Variants in DDX27 observed in about 807,000 individuals in gnomAD.
The protein encoded by DDX27 is probable ATP-dependent RNA helicase DDX27.
DDX27 carries 42 observed loss-of-function variants against 99.3 expected under a neutral mutation model. The ratio of observed to expected loss-of-function variants is 0.42; its 90% CI spans 0.33 to 0.55. The LOEUF (loss-of-function observed/expected upper bound fraction) is 0.55, where lower values mean the gene tolerates loss of function less well. Among genes scored for constraint, DDX27 ranks in the 20% least tolerant of loss-of-function variants. The pLI is 0.07. For synonymous variants in DDX27, 329 were observed against 353.8 expected (o/e 0.93, Z 0.79); for missense variants, 798 against 976.8 (o/e 0.82, Z 2.44).
intron 4 of DDX27, among the ~76,000 whole-genome samples, chr20:49,224,335 T>C (rs1038010489): frequency 6.6e-6 from 1 of 151,364 alleles, no homozygotes; most frequent in African/African-American, 2.4e-5. Context: ...TCCAGCCACA[T>C]AGTGGGTGCT....
Position 49,233,397 on chromosome 20 carries a change from A to G in DDX27, c.1123A>G (p.Thr375Ala). 6.2e-7 allele frequency: 1 copy of G among 1,613,928 alleles called. No homozygotes were observed. ...GACCATGCTCTTCTCGGCCACCATGACAGACGAGGTGGGCCGAGGGACTTC... is the reference window on the plus strand; with the variant it reads ...GACCATGCTCTTCTCGGCCACCATGGCAGACGAGGTGGGCCGAGGGACTTC... ...RQTMLFSATM[T>A]DEVKDLASVS... Residue 375 changes from threonine (T) to alanine (A), a missense_variant, in exon 10 of 21, where the codon ACA becomes GCA. Around this residue, in one of 2 missense-constraint regions of DDX27, gnomAD observed 553 missense variants for 727.9 expected, o/e 0.76. Coordinates refer to ENST00000618172, the MANE Select transcript of DDX27 (RefSeq NM_017895.8).
At chr20:49,225,364 A>G (rs1979843933) in intron 6 of DDX27, among the ~76,000 whole-genome samples, 165 bp downstream of exon 6, 1 of 151,464 alleles carries the variant, frequency 6.6e-6, no homozygotes, top group Admixed American at 6.6e-5. Flanking sequence ...TTTGGCAACC[A>G]TGGGATTATT....
At chr20:49,232,324 A>G (rs893731995) in intron 9 of DDX27, among the ~76,000 whole-genome samples, 3 of 152,172 alleles carry the variant, frequency 2.0e-5, no homozygotes, top group African/African-American at 7.2e-5. Context: ...CACTAAAACA[A>G]AAGGTAACTA....
chr20:49,230,354 T>C lies in DDX27; in HGVS notation c.1031+5T>C, dbSNP rs778965706. ...CATCCTGGACGAGGCTGACAGGTGC[T>C]CCTCACAGCCTGGGGCCCAGGGCAC... On this transcript the variant is annotated splice_donor_5th_base_variant and intron_variant, in intron 9 of 20. Transcript: ENST00000618172. 1.2e-6 allele frequency: 2 copies of C among 1,604,210 alleles called. No homozygotes were observed. Among genetic ancestry groups the C allele is most frequent in the South Asian group, 2.2e-5 (2 of 90,956 alleles).
intron 9 of DDX27, among the ~76,000 whole-genome samples, 179 bp downstream of exon 9, chr20:49,230,528 T>C (rs1980071227): frequency 6.6e-6 from 1 of 152,192 alleles, no homozygotes; most frequent in Non-Finnish European, 1.5e-5. Context: ...TTTCCTCTTT[T>C]TTCTCTTTCT....
At chr20:49,229,266 G>A (rs1178040144) in intron 8 of DDX27, among the ~76,000 whole-genome samples, 1 of 151,830 alleles carries the variant, frequency 6.6e-6, no homozygotes, top group East Asian at 1.9e-4. Flanking sequence ...TCCTGACCTC[G>A]TGATCCGCCT....
chr20:49,221,084 C>A (rs6125596), intron 1 of DDX27, among the ~76,000 whole-genome samples: 67,642 of 151,952 alleles, frequency 0.45, 16,465 homozygotes, highest in Middle Eastern at 0.59. Context: ...GCCTCAGCCT[C>A]CCTAGTAGCT....
intron 3 of DDX27, 85 bp from the exon 4 acceptor site, chr20:49,223,183 T>G (rs1979753556): frequency 1.0e-5 from 15 of 1,469,000 alleles, no homozygotes; most frequent in African/African-American, 2.8e-5. Flanking sequence ...AGCCGTTCAT[T>G]CAGGCCGGAG....
chr20:49,242,651 G>A lies in DDX27; in HGVS notation c.2174G>A (p.Ser725Asn), dbSNP rs1455744518. The change falls in exon 19 of 21, where the codon AGC becomes AAC. Residue 725 changes from serine (S) to asparagine (N), a missense_variant. Ser to Asn is a conservative substitution (Grantham distance 46). Coordinates refer to ENST00000618172, the MANE Select transcript of DDX27 (RefSeq NM_017895.8). ...SVFDEELTNT[S>N]KKALKQYRAG... ...TTTGATGAAGAACTCACCAACACAA[G>A]CAAGAAGGCCCTGAAACAGTATCGA... is the stretch of plus-strand genomic sequence containing the variant. The A allele has an allele frequency of 1.9e-6, 3 of 1,613,770 alleles. No individual in the cohort carries two copies. The African/African-American group carries it at 4.0e-5, about 22-fold the overall frequency.
At position 49,230,295 on chromosome 20, in the gene DDX27, G is replaced by T; in HGVS notation, c.977G>T (p.Cys326Phe). 1.2e-6 allele frequency: 2 copies of T among 1,612,482 alleles called. No individual in the cohort carries two copies. The highest frequency in any genetic ancestry group is 1.1e-5 in the South Asian group (1 of 91,072). The change falls in exon 9 of 21, where the codon TGC becomes TTC. Residue 326 changes from cysteine to phenylalanine, a missense_variant. This residue lies in a region of DDX27 where 553 missense variants were observed against 727.9 expected (regional missense o/e 0.76). Coordinates refer to ENST00000618172, the MANE Select transcript of DDX27 (RefSeq NM_017895.8). ...PGRLIDHLHN[C>F]PSFHLSSIEV... ...CGGCTCATCGATCACCTCCACAACT[G>T]CCCTTCCTTCCACCTGAGCAGCATC... is the stretch of plus-strand genomic sequence containing the variant.
intron 3 of DDX27, 110 bp from the exon 4 acceptor site, chr20:49,223,158 A>T (rs1979752711): frequency 7.3e-7 from 1 of 1,379,270 alleles, no homozygotes; most frequent in African/African-American, 1.5e-5. Flanking sequence ...GTGAATCTGT[A>T]CTGAGAATCC....
chr20:49,220,217 C>G (rs542947619), intron 1 of DDX27, among the ~76,000 whole-genome samples: 2 of 152,162 alleles, frequency 1.3e-5, no homozygotes, highest in East Asian at 1.9e-4. Context: ...GTTCCCTTCT[C>G]AAGCCAGAAA....
At chr20:49,240,218 G>A (rs1980434326) in intron 16 of DDX27, among the ~76,000 whole-genome samples, 1 of 152,052 alleles carries the variant, frequency 6.6e-6, no homozygotes. Context: ...TTAAGATTGG[G>A]TAAAATGGCA....
At chr20:49,221,632 T>A (rs764812326) in intron 2 of DDX27, 34 bp downstream of exon 2, 5 of 1,547,174 alleles carry the variant, frequency 3.2e-6, no homozygotes, top group Middle Eastern at 2.0e-4. Context: ...CTCCAGACTT[T>A]GGGCTATTAA....
intron 15 of DDX27, 75 bp downstream of exon 15, chr20:49,239,130 C>T (rs1359959346): frequency 5.3e-6 from 8 of 1,517,926 alleles, no homozygotes; most frequent in Non-Finnish European, 7.3e-6. Context: ...TGGTGCTGCC[C>T]TTCTGAAATG....
intron 16 of DDX27, 118 bp downstream of exon 16, chr20:49,239,456 C>A: frequency 1.4e-6 from 1 of 712,146 alleles, no homozygotes; most frequent in Non-Finnish European, 2.3e-6. Context: ...GCACCAAGGA[C>A]CAGTATCGTG....
intron 1 of DDX27, 113 bp downstream of exon 1, chr20:49,219,654 G>T (rs947960921): frequency 1.4e-5 from 16 of 1,161,696 alleles, no homozygotes; most frequent in Non-Finnish European, 1.8e-5. Flanking sequence ...GAAGTTTCCC[G>T]AAAAGGATCT....
Position 49,222,139 on chromosome 20 carries a change from CTT to C in DDX27, c.240+551_240+552del, listed in dbSNP as rs376285111. The stretch of plus-strand genomic sequence containing the variant: ...TTGAAGTAAACCAGCATTGCCTTTT[CTT>C]TTTTTTTTTGAGACAGAGTCTCTCT... On this transcript the variant is annotated intron_variant, in intron 2 of 20. Transcript: ENST00000618172. Among the ~76,000 whole-genome samples, 5 of 146,580 alleles carry C rather than the reference CTT, an allele frequency of 3.4e-5. No individual in the cohort carries two copies. The East Asian group carries it at 9.9e-4, about 29-fold the overall frequency.
intron 1 of DDX27, 29 bp from the exon 2 acceptor site, chr20:49,221,423 A>G: frequency 6.2e-7 from 1 of 1,612,244 alleles, no homozygotes; most frequent in Non-Finnish European, 8.5e-7. Flanking sequence ...TCTCAGCCCC[A>G]AAGTCACTCT....
Sources: allele counts gnomAD v4.1 joint callset (sites outside exome capture counted in the v4.1 genomes callset), GRCh38; gene constraint gnomAD v4.1.1; regional missense constraint gnomAD v4.1.1; transcripts MANE v1.5; gene names NCBI Gene and HGNC (gene_info 2026-07-23, HGNC 2026-07-21).